The following TFF3 variants were observed in gnomAD, a reference collection of about 807,000 sequenced individuals.
The protein encoded by TFF3 is polypeptide P1.B.
In TFF3, 6 loss-of-function variants were observed where a neutral mutation model predicts 9.7. The ratio of observed to expected loss-of-function variants is 0.62; its 90% CI spans 0.34 to 1.22. TFF3 has a LOEUF of 1.22. Among genes scored for constraint, TFF3 ranks in the 50% most tolerant of loss-of-function variants. The pLI, the probability that TFF3 is intolerant of heterozygous loss-of-function variation, is 0.04. For missense variants in TFF3, 93 were observed against 98.6 expected, an observed-to-expected ratio of 0.94 and a Z score of 0.24; for synonymous variants, 48 against 41.4, an observed-to-expected ratio of 1.16 and a Z score of -0.61.
In TFF3 at chr21:42,313,437, C is replaced by T; in HGVS notation, c.229+48G>A. On this transcript the variant is annotated intron_variant, in intron 2 of 2. Transcript: ENST00000518498. This position sits in a 1 kb window ranked among gnomAD's most constrained non-coding sequence, Gnocchi z 4.0. Reference sequence around the variant, plus strand: ...AAAGGACAGGGAGGCCCTGAGACCCCCTGCCTTATGGGGCTGGGCCCAGAC... The same window carrying T: ...AAAGGACAGGGAGGCCCTGAGACCCTCTGCCTTATGGGGCTGGGCCCAGAC... 1.9e-6 allele frequency: 3 copies of T among 1,559,446 alleles called. No individual in the cohort carries two copies. Among genetic ancestry groups the T allele is most frequent in the South Asian group, 2.4e-5 (2 of 84,620 alleles).
chr21:42,313,391 G>A lies in TFF3; in HGVS notation c.229+94C>T, dbSNP rs1417445803. 10 of 1,454,362 alleles carry A rather than the reference G, an allele frequency of 6.9e-6. No homozygotes were observed. Among genetic ancestry groups the A allele is most frequent in the South Asian group, 1.4e-5 (1 of 73,618 alleles). The allele number at this position is 1,454,362 out of a possible 1,614,324, so 90.1% of individuals were successfully genotyped here. ...GTGTGTGTGGCTTCCTGGGGTCCTT[G>A]TGCCTCCATCTCCAGCCCAGAAAGG... On this transcript the variant is annotated intron_variant, in intron 2 of 2. Transcript: ENST00000518498. This position sits in a 1 kb window ranked among gnomAD's most constrained non-coding sequence, Gnocchi z 4.0.
In TFF3 at chr21:42,313,670, G is replaced by A. The variant is rs373024567; in HGVS notation, c.83-39C>T. ...AGCCCTGTCAGCTGCCAGAGCCCTT[G>A]CTGGGCTGCGGTGAGTGTGTTTGCT... On this transcript the variant is annotated intron_variant, in intron 1 of 2. Coordinates refer to ENST00000518498, the MANE Select transcript of TFF3 (RefSeq NM_003226.4). The surrounding 1 kb of genome is among the most constrained non-coding windows in gnomAD (Gnocchi z 4.0). 16 of 1,581,336 alleles carry A rather than the reference G, an allele frequency of 1.0e-5. No individual in the cohort carries two copies. In the African/African-American group the frequency reaches 2.0e-4, roughly 20 times the overall value.
rs183109695 is a variant in TFF3 at position 42,312,075 on chromosome 21, G to A, written c.*181C>T. On this transcript the variant is annotated 3_prime_UTR_variant, in exon 3 of 3. Transcript: ENST00000518498. ...GTCTCAGGCACGAAGAACTGTCCTC[G>A]GGTGGAGCATGGGACCTTTATTCGT... The A allele has an allele frequency of 4.0e-5, 33 of 818,908 alleles. No individual in the cohort carries two copies. Among genetic ancestry groups the A allele is most frequent in the Non-Finnish European group, 5.7e-5 (27 of 472,506 alleles). 50.7% of individuals were successfully genotyped at this position (818,908 alleles called of 1,614,324 possible). A position where few individuals can be genotyped will look rare whatever the true frequency, so the allele number is the denominator to read the frequency against.
Position 42,313,634 on chromosome 21 carries a change from G to A in TFF3, c.83-3C>T, listed in dbSNP as rs371316218. The A allele has an allele frequency of 6.9e-5, 111 of 1,606,372 alleles. No individual in the cohort carries two copies. In the African/African-American group the frequency reaches 1.3e-3, roughly 19 times the overall value. ...TGGCACGGCACACTGGTTTGCAGCT[G>A]TCCCAGACAAAGCCCTGTCAGCTGC... is the stretch of plus-strand genomic sequence containing the variant. On this transcript the variant is annotated splice_region_variant and splice_polypyrimidine_tract_variant and intron_variant, in intron 1 of 2. Coordinates refer to ENST00000518498, the MANE Select transcript of TFF3 (RefSeq NM_003226.4). This position sits in a 1 kb window ranked among gnomAD's most constrained non-coding sequence, Gnocchi z 4.0.
At chr21:42,314,128 C>G (rs2069346108) in intron 1 of TFF3, among the ~76,000 whole-genome samples, 1 of 152,210 alleles carries the variant, frequency 6.6e-6, no homozygotes, top group Admixed American at 6.5e-5. Flanking sequence ...GCATGTCCCA[C>G]CCTCCCGGGA....
intron 2 of TFF3, 89 bp from the exon 3 acceptor site, chr21:42,312,358 A>G: frequency 1.4e-6 from 2 of 1,470,868 alleles, no homozygotes; most frequent in South Asian, 2.7e-5. Flanking sequence ...CAAGGCCAGC[A>G]CCTAGTGCTG....
In TFF3 at chr21:42,315,330, C is replaced by G; in HGVS notation, c.45G>C (p.Leu15Phe). The change falls in exon 1 of 3, where the codon TTG becomes TTC. Residue 15 changes from leucine to phenylalanine, a missense_variant. Leu to Phe is a conservative substitution (Grantham distance 22, BLOSUM62 0). Coordinates refer to ENST00000518498, the MANE Select transcript of TFF3 (RefSeq NM_003226.4). ...ALCMLGLVLALLSSSSAEEYV... is the reference protein window; with the variant it reads ...ALCMLGLVLAFLSSSSAEEYV... ...ACTCCTCAGCAGAGCTGGAGGACAG[C>G]AAGGCCAGGACCAGCCCCAGCATGC... is the stretch of plus-strand genomic sequence containing the variant. 3.7e-6 allele frequency: 6 copies of G among 1,614,066 alleles called. No individual in the cohort carries two copies. The highest frequency in any genetic ancestry group is 2.2e-5 in the East Asian group (1 of 44,886).
chr21:42,313,187 G>A lies in TFF3; in HGVS notation c.229+298C>T, dbSNP rs1020973732. 6.6e-6 allele frequency among the ~76,000 whole-genome samples: 1 copy of A among 152,176 alleles called. No homozygotes were observed. Among genetic ancestry groups the A allele is most frequent in the Non-Finnish European group, 1.5e-5 (1 of 68,032 alleles). On this transcript the variant is annotated intron_variant, in intron 2 of 2. Transcript: ENST00000518498. The surrounding 1 kb of genome is among the most constrained non-coding windows in gnomAD (Gnocchi z 4.0). Reference sequence around the variant, plus strand: ...TCGGCCCGGCTTTCCACACCTATGCGTTTCCACTTCTCTCAAGAATAGTTA... The same window carrying A: ...TCGGCCCGGCTTTCCACACCTATGCATTTCCACTTCTCTCAAGAATAGTTA...
At position 42,313,451 on chromosome 21, in the gene TFF3, C is replaced by T. The variant is rs1431658766; in HGVS notation, c.229+34G>A. The T allele has an allele frequency of 6.3e-7, 1 of 1,586,244 alleles. No homozygotes were observed. The highest frequency in any genetic ancestry group is 1.8e-5 in the Admixed American group (1 of 56,074). On this transcript the variant is annotated intron_variant, in intron 2 of 2. Transcript: ENST00000518498. This position sits in a 1 kb window ranked among gnomAD's most constrained non-coding sequence, Gnocchi z 4.0. ...CCCTGAGACCCCCTGCCTTATGGGGCTGGGCCCAGACCACGATGCCACTGG... is the reference window on the plus strand; with the variant it reads ...CCCTGAGACCCCCTGCCTTATGGGGTTGGGCCCAGACCACGATGCCACTGG...
chr21:42,314,032 A>G (rs190595035), intron 1 of TFF3, among the ~76,000 whole-genome samples: 2 of 152,302 alleles, frequency 1.3e-5, no homozygotes, highest in East Asian at 3.9e-4. Flanking sequence ...AAACCGTGAC[A>G]GGAGAGGCAC....
chr21:42,314,212 G>A (rs551369898), intron 1 of TFF3, among the ~76,000 whole-genome samples: 49 of 152,300 alleles, frequency 3.2e-4, no homozygotes, highest in African/African-American at 1.2e-3. Flanking sequence ...AGTTCACTGC[G>A]TTTCATTAAC....
Position 42,311,957 on chromosome 21 carries a change from T to C in TFF3, c.*299A>G. The C allele has an allele frequency of 1.6e-6, 1 of 611,104 alleles. No individual in the cohort carries two copies. The highest frequency in any genetic ancestry group is 3.0e-6 in the Non-Finnish European group (1 of 338,448). 37.9% of individuals were successfully genotyped at this position (611,104 alleles called of 1,614,324 possible). Reference sequence around the variant, plus strand: ...GCATGCACTGCAGCTCCTTAGGGAGTCTTTTCCTGCCCTTGAGGCCTGGGC... The same window carrying C: ...GCATGCACTGCAGCTCCTTAGGGAGCCTTTTCCTGCCCTTGAGGCCTGGGC... On this transcript the variant is annotated 3_prime_UTR_variant, in exon 3 of 3. Coordinates refer to ENST00000518498, the MANE Select transcript of TFF3 (RefSeq NM_003226.4).
In TFF3 at chr21:42,312,225, C is replaced by A; in HGVS notation, c.*31G>T. On this transcript the variant is annotated 3_prime_UTR_variant, in exon 3 of 3. Coordinates refer to ENST00000518498, the MANE Select transcript of TFF3 (RefSeq NM_003226.4). ...CCGGGCAAGGGTGCTCCGAGCCTCG[C>A]ATCCCCCGGCCGGGGGCAGCTGGAG... 6.2e-7 allele frequency: 1 copy of A among 1,613,862 alleles called. No homozygotes were observed. Among genetic ancestry groups the A allele is most frequent in the Non-Finnish European group, 8.5e-7 (1 of 1,179,908 alleles).
chr21:42,312,221 C>T lies in TFF3; in HGVS notation c.*35G>A. ...ACAGCCGGGCAAGGGTGCTCCGAGC[C>T]TCGCATCCCCCGGCCGGGGGCAGCT... On this transcript the variant is annotated 3_prime_UTR_variant, in exon 3 of 3. Transcript: ENST00000518498. 8.1e-6 allele frequency: 13 copies of T among 1,613,906 alleles called. No individual in the cohort carries two copies. The highest frequency in any genetic ancestry group is 1.1e-5 in the Non-Finnish European group (13 of 1,179,936).
At position 42,313,384 on chromosome 21, in the gene TFF3, G is replaced by T; in HGVS notation, c.229+101C>A. The T allele has an allele frequency of 2.1e-6, 3 of 1,410,796 alleles. 1 individual carries two copies. The highest frequency in any genetic ancestry group is 4.9e-5 in the East Asian group (2 of 40,874). The allele number at this position is 1,410,796 out of a possible 1,614,324, so 87.4% of individuals were successfully genotyped here. A position where few individuals can be genotyped will look rare whatever the true frequency, so the allele number is the denominator to read the frequency against. ...CAGGTGTGTGTGTGTGGCTTCCTGG[G>T]GTCCTTGTGCCTCCATCTCCAGCCC... On this transcript the variant is annotated intron_variant, in intron 2 of 2. Coordinates refer to ENST00000518498, the MANE Select transcript of TFF3 (RefSeq NM_003226.4). This position sits in a 1 kb window ranked among gnomAD's most constrained non-coding sequence, Gnocchi z 4.0.
intron 1 of TFF3, 152 bp downstream of exon 1, chr21:42,315,141 G>C: frequency 9.2e-7 from 1 of 1,085,610 alleles, no homozygotes; most frequent in Non-Finnish European, 1.3e-6. Flanking sequence ...CTGTGAAATG[G>C]GGACAATAAA....
chr21:42,313,902 C>T lies in TFF3; in HGVS notation c.83-271G>A, dbSNP rs181557818. Among the ~76,000 whole-genome samples, 23 of 152,310 alleles carry T rather than the reference C, an allele frequency of 1.5e-4. No homozygotes were observed. The highest frequency in any genetic ancestry group is 4.6e-4 in the African/African-American group (19 of 41,564). ...TATCACCTTCTCGGGAAGTCACATA[C>T]GGACCTGGGTACCTTCCAGCTGGCA... On this transcript the variant is annotated intron_variant, in intron 1 of 2. Transcript: ENST00000518498. This position sits in a 1 kb window ranked among gnomAD's most constrained non-coding sequence, Gnocchi z 4.0.
chr21:42,314,707 G>A (rs2069349047), intron 1 of TFF3, among the ~76,000 whole-genome samples: 1 of 152,172 alleles, frequency 6.6e-6, no homozygotes, highest in Admixed American at 6.5e-5. Context: ...TGTAACTGGT[G>A]TGCCCCAAGC....
Position 42,311,867 on chromosome 21 carries a change from C to T in TFF3, c.*389G>A, listed in dbSNP as rs912740054. Reference sequence around the variant, plus strand: ...TATTTTTTCTGCTTTCCCGAGGAAGCGGCACTTACAGTGTTCCTAGGCTTT... The same window carrying T: ...TATTTTTTCTGCTTTCCCGAGGAAGTGGCACTTACAGTGTTCCTAGGCTTT... On this transcript the variant is annotated 3_prime_UTR_variant, in exon 3 of 3. Coordinates refer to ENST00000518498, the MANE Select transcript of TFF3 (RefSeq NM_003226.4). 7.7e-5 allele frequency: 28 copies of T among 364,814 alleles called. No homozygotes were observed. Among genetic ancestry groups the T allele is most frequent in the South Asian group, 3.0e-4 (9 of 30,024 alleles). 22.6% of individuals were successfully genotyped at this position (364,814 alleles called of 1,614,324 possible).
Sources: allele counts gnomAD v4.1 joint callset (sites outside exome capture counted in the v4.1 genomes callset), GRCh38; gene constraint gnomAD v4.1.1; non-coding constraint Gnocchi (gnomAD v3.1); transcripts MANE v1.5; gene names NCBI Gene and HGNC (gene_info 2026-07-23, HGNC 2026-07-21).